Variants in AGBL4 observed in about 807,000 individuals in gnomAD.
AGBL4 encodes AGBL carboxypeptidase 4, also known as cytosolic carboxypeptidase 6.
In AGBL4, 58 loss-of-function variants were observed where a neutral mutation model predicts 66.4. The ratio of observed to expected loss-of-function variants is 0.87; its 90% CI spans 0.71 to 1.09. The LOEUF (loss-of-function observed/expected upper bound fraction) is 1.09, where lower values mean the gene tolerates loss of function less well. AGBL4 is among the 50% of genes least tolerant of loss of function. The probability of loss-of-function intolerance (pLI) is 0.00; values close to 1 mark genes in which losing one functional copy is unlikely to be tolerated. For synonymous variants in AGBL4, 234 were observed against 222.9 expected (o/e 1.05, Z -0.44); for missense variants, 579 against 631.0 (o/e 0.92, Z 0.88).
chr1:49,666,058 C>T (rs939072515), intron 3 of AGBL4, among the ~76,000 whole-genome samples: 1 of 151,626 alleles, frequency 6.6e-6, no homozygotes, highest in East Asian at 1.9e-4. Context: ...GAACACCTGG[C>T]ATCAAGCAAT....
chr1:49,136,469 A>C (rs1646013631), intron 4 of AGBL4, among the ~76,000 whole-genome samples: 1 of 152,200 alleles, frequency 6.6e-6, no homozygotes, highest in South Asian at 2.1e-4. Flanking sequence ...GACAGGCAAC[A>C]TATTAAATAA....
intron 3 of AGBL4, among the ~76,000 whole-genome samples, chr1:49,653,406 C>G (rs1646049698): frequency 6.6e-6 from 1 of 151,982 alleles, no homozygotes; most frequent in South Asian, 2.1e-4. Flanking sequence ...GCCAGAGTGC[C>G]TCTTCTCCTC....
At chr1:48,882,318 C>T (rs1649870984) in intron 5 of AGBL4, among the ~76,000 whole-genome samples, 1 of 152,158 alleles carries the variant, frequency 6.6e-6, no homozygotes, top group Non-Finnish European at 1.5e-5. Flanking sequence ...CAGTGCTTTC[C>T]TATTTCCTCC....
intron 6 of AGBL4, among the ~76,000 whole-genome samples, chr1:48,819,118 A>G (rs1646254522): frequency 6.6e-6 from 1 of 152,184 alleles, no homozygotes. Flanking sequence ...CTCCTAAATC[A>G]GCCTGGGTGG....
intron 11 of AGBL4, among the ~76,000 whole-genome samples, chr1:48,559,375 C>G (rs1644364533): frequency 1.3e-5 from 2 of 152,110 alleles, no homozygotes; most frequent in Admixed American, 1.3e-4. Context: ...CACAAACATG[C>G]ACACACCCCA....
chr1:49,099,982 G>A (rs972272221), intron 4 of AGBL4, among the ~76,000 whole-genome samples: 15 of 152,172 alleles, frequency 9.9e-5, no homozygotes, highest in African/African-American at 2.9e-4. Context: ...GGCAGGAACA[G>A]TCCAGGGTCT....
intron 3 of AGBL4, among the ~76,000 whole-genome samples, chr1:49,630,525 A>C (rs1645550023): frequency 6.6e-6 from 1 of 152,188 alleles, no homozygotes; most frequent in South Asian, 2.1e-4. Context: ...CTACCCTAGC[A>C]GTACTTGGTG....
chr1:49,878,376 T>C (rs1209835522), intron 1 of AGBL4, among the ~76,000 whole-genome samples: 1 of 150,304 alleles, frequency 6.7e-6, no homozygotes, highest in African/African-American at 2.5e-5. Flanking sequence ...TTCTCGTTGG[T>C]TTCAAAGAAC....
At chr1:49,321,665 G>A (rs972733960) in intron 3 of AGBL4, among the ~76,000 whole-genome samples, 3 of 152,104 alleles carry the variant, frequency 2.0e-5, no homozygotes, top group Non-Finnish European at 2.9e-5. Context: ...CAGAAAAACT[G>A]GAAACTTGTT....
At chr1:49,349,547 G>A (rs758638033) in intron 3 of AGBL4, among the ~76,000 whole-genome samples, 3 of 152,056 alleles carry the variant, frequency 2.0e-5, no homozygotes, top group Non-Finnish European at 4.4e-5. Flanking sequence ...CTTCCAAGAG[G>A]GAACATGCTC....
At chr1:48,919,786 G>A (rs1046749459) in intron 5 of AGBL4, among the ~76,000 whole-genome samples, 29 of 152,104 alleles carry the variant, frequency 1.9e-4, no homozygotes, top group Admixed American at 1.0e-3. Context: ...AATGTTTCTT[G>A]AGGAAAAAGG....
Position 49,117,882 on chromosome 1 carries a change from C to T in AGBL4, c.378-72082G>A, listed in dbSNP as rs976698866. On this transcript the variant is annotated intron_variant, in intron 4 of 13. Coordinates refer to ENST00000371839, the MANE Select transcript of AGBL4 (RefSeq NM_032785.4). ...GAATATTCTTCCATTTGTTTGTGTC[C>T]TCTTTCATTTCCTTGAGCAGTGGTT... Among the ~76,000 whole-genome samples the T allele has an allele frequency of 3.7e-4, 56 of 152,074 alleles. 1 individual carries two copies. The highest frequency in any genetic ancestry group is 3.5e-3 in the Admixed American group (54 of 15,254).
chr1:49,567,506 T>G (rs1206147623), intron 3 of AGBL4, among the ~76,000 whole-genome samples: 3 of 152,198 alleles, frequency 2.0e-5, no homozygotes, highest in Admixed American at 1.3e-4. Flanking sequence ...CTGTTAAATT[T>G]TACTTACATA....
At chr1:49,270,398 C>G (rs1644030696) in intron 3 of AGBL4, among the ~76,000 whole-genome samples, 1 of 152,100 alleles carries the variant, frequency 6.6e-6, no homozygotes, top group South Asian at 2.1e-4. Context: ...GCTGGGTACC[C>G]AAACACACTG....
At chr1:48,861,412 A>G (rs1335976518) in intron 6 of AGBL4, among the ~76,000 whole-genome samples, 1 of 152,186 alleles carries the variant, frequency 6.6e-6, no homozygotes, top group Non-Finnish European at 1.5e-5. Context: ...AAGTATACTC[A>G]GAGTATCAAG....
chr1:49,820,955 G>T (rs1417701988), intron 2 of AGBL4, among the ~76,000 whole-genome samples: 1 of 152,044 alleles, frequency 6.6e-6, no homozygotes. Flanking sequence ...TTTTTGTCCA[G>T]GATTTATGAG....
chr1:48,920,232 C>T (rs769384153), intron 5 of AGBL4, among the ~76,000 whole-genome samples: 1 of 152,184 alleles, frequency 6.6e-6, no homozygotes, highest in East Asian at 1.9e-4. Context: ...CATCCCTTTC[C>T]CTACTGAACT....
rs149922752 is a variant in AGBL4, at chr1:49,131,727, G to T, written c.378-85927C>A. 3.8e-3 allele frequency among the ~76,000 whole-genome samples: 579 copies of T among 152,188 alleles called. 5 individuals carry two copies. Among genetic ancestry groups the T allele is most frequent in the Non-Finnish European group, 6.3e-3 (426 of 68,000 alleles). ...GCATGAGAATTGACAGGATTGACAG[G>T]ATTTAGTGATTGATTGAGTTCTAGG... On this transcript the variant is annotated intron_variant, in intron 4 of 13. Coordinates refer to ENST00000371839, the MANE Select transcript of AGBL4 (RefSeq NM_032785.4).
At chr1:48,713,791 CTCTCATCTGGGAT>C (rs1204004098) in intron 6 of AGBL4, among the ~76,000 whole-genome samples, 2 of 152,184 alleles carry the variant, frequency 1.3e-5, no homozygotes, top group Admixed American at 1.3e-4. Context: ...CTGCTATTCC[CTCTCATCTGGGAT>C]AATGTTTCCT....
Sources: gnomAD v4.1 joint callset for allele counts (sites outside exome capture counted in the v4.1 genomes callset) on GRCh38, gnomAD v4.1.1 for gene constraint, MANE v1.5 for transcripts, NCBI Gene and HGNC (gene_info 2026-07-23, HGNC 2026-07-21) for gene names.